Variants in RBM33 observed in about 807,000 individuals in gnomAD.
The protein encoded by RBM33 is RNA-binding protein 33.
A neutral mutation model predicts 132.6 loss-of-function variants in RBM33; 28 were observed. The observed-to-expected ratio is 0.21, with a 90% CI of 0.16 to 0.29. RBM33 has a LOEUF of 0.29. RBM33 is among the 10% of genes least tolerant of loss of function. RBM33 has a pLI of 1.00. For synonymous variants in RBM33, 634 were observed against 593.0 expected, an observed-to-expected ratio of 1.07 and a Z score of -1.01; for missense variants, 1,291 against 1,518.5, an observed-to-expected ratio of 0.85 and a Z score of 2.49.
At position 155,742,044 on chromosome 7, in the gene RBM33, G is replaced by A. The variant is rs75145238; in HGVS notation, c.2275G>A (p.Val759Met). 6.2e-7 allele frequency: 1 copy of A among 1,614,018 alleles called. No individual in the cohort carries two copies. The highest frequency in any genetic ancestry group is 2.2e-5 in the East Asian group (1 of 44,884). The change falls in exon 13 of 18, where the codon GTG (valine) becomes ATG (methionine). Residue 759 changes from valine (V) to methionine (M), a missense_variant. Val to Met is a conservative substitution (Grantham distance 21, BLOSUM62 1). Around this residue, in one of 7 missense-constraint regions of RBM33, gnomAD observed 841 missense variants for 912.0 expected, o/e 0.92. Transcript: ENST00000401878. ...CAGAAGCTCACAGGGAAAGACGGAA[G>A]TGAAAGTCAAGCCAGCTAGCCCTGT... ...GSRSSQGKTE[V>M]KVKPASPVAQ...
chr7:155,667,348 A>G (rs1490530914), intron 2 of RBM33, among the ~76,000 whole-genome samples: 1 of 152,018 alleles, frequency 6.6e-6, no homozygotes, highest in African/African-American at 2.4e-5. Context: ...CCTGGGCTCA[A>G]GTGATGCTCC....
intron 15 of RBM33, 87 bp from the exon 16 acceptor site, chr7:155,766,380 T>C: frequency 7.1e-7 from 1 of 1,410,592 alleles, no homozygotes. Flanking sequence ...TAATGGATTC[T>C]AAGTTATTTG....
At chr7:155,770,242 G>A (rs950059679) in intron 16 of RBM33, among the ~76,000 whole-genome samples, 1 of 152,238 alleles carries the variant, frequency 6.6e-6, no homozygotes, top group African/African-American at 2.4e-5. Context: ...CTCGGTGCGG[G>A]CTGGAGTTGC....
intron 13 of RBM33, among the ~76,000 whole-genome samples, chr7:155,742,307 A>ATTTT (rs201689933): frequency 6.7e-6 from 1 of 150,232 alleles, no homozygotes; most frequent in South Asian, 2.1e-4. Flanking sequence ...ATTAGAGTTT[A>ATTTT]TATATTTGTA....
chr7:155,699,904 C>A (rs1240589144), intron 5 of RBM33, among the ~76,000 whole-genome samples: 1 of 152,072 alleles, frequency 6.6e-6, no homozygotes, highest in Non-Finnish European at 1.5e-5. Flanking sequence ...CAAATATATT[C>A]TCCTTACATT....
At position 155,741,800 on chromosome 7, in the gene RBM33, T is replaced by G. The variant is rs1195381068; in HGVS notation, c.2050-19T>G. The G allele has an allele frequency of 6.3e-7, 1 of 1,590,856 alleles. No individual in the cohort carries two copies. The highest frequency in any genetic ancestry group is 8.6e-7 in the Non-Finnish European group (1 of 1,163,484). ...CAAGTTTCCACTTACAATTAGAATC[T>G]CTTTCTTTTTGTGAAAAGAATACAA... On this transcript the variant is annotated intron_variant, in intron 12 of 17. Coordinates refer to ENST00000401878, the MANE Select transcript of RBM33 (RefSeq NM_053043.3).
chr7:155,726,465 G>A lies in RBM33; in HGVS notation c.1260+8022G>A, dbSNP rs1013995765. Among the ~76,000 whole-genome samples the A allele has an allele frequency of 2.0e-5, 3 of 151,704 alleles. No homozygotes were observed. In the East Asian group the frequency reaches 5.8e-4, roughly 29 times the overall value. Reference sequence around the variant, plus strand: ...ATGCAGAAAAGTGAAAGTATAATTTGTATGAGAATTATATGAGAGAATAAT... The same window carrying A: ...ATGCAGAAAAGTGAAAGTATAATTTATATGAGAATTATATGAGAGAATAAT... On this transcript the variant is annotated intron_variant, in intron 9 of 17. Coordinates refer to ENST00000401878, the MANE Select transcript of RBM33 (RefSeq NM_053043.3).
chr7:155,740,459 G>C (rs1001196688), intron 12 of RBM33, among the ~76,000 whole-genome samples: 5 of 152,226 alleles, frequency 3.3e-5, no homozygotes, highest in Admixed American at 1.3e-4. Context: ...TACGTTGACT[G>C]TTCTGTTGCC....
Position 155,690,851 on chromosome 7 carries a change from G to A in RBM33, c.568-9922G>A, listed in dbSNP as rs185547059. Among the ~76,000 whole-genome samples, 4 of 152,238 alleles carry A rather than the reference G, an allele frequency of 2.6e-5. No individual in the cohort carries two copies. The East Asian group carries it at 7.7e-4, about 29-fold the overall frequency. On this transcript the variant is annotated intron_variant, in intron 5 of 17. Coordinates refer to ENST00000401878, the MANE Select transcript of RBM33 (RefSeq NM_053043.3). ...CTGAGATATCCGCTGTTAGTCTGAT[G>A]GACTTCCCTTTGTGGGTAACCCGAC...
chr7:155,667,405 G>T (rs953525632), intron 2 of RBM33, among the ~76,000 whole-genome samples: 1 of 152,032 alleles, frequency 6.6e-6, no homozygotes, highest in African/African-American at 2.4e-5. Context: ...CTAGTGTGCC[G>T]TGCCCAGTTG....
At chr7:155,735,076 C>T (rs1490662277) in intron 9 of RBM33, among the ~76,000 whole-genome samples, 1 of 152,120 alleles carries the variant, frequency 6.6e-6, no homozygotes, top group Admixed American at 6.5e-5. Context: ...CATTGTAAGT[C>T]AGGAACTGTC....
chr7:155,756,869 A>G (rs1036057340), intron 14 of RBM33, among the ~76,000 whole-genome samples: 1 of 151,940 alleles, frequency 6.6e-6, no homozygotes, highest in Non-Finnish European at 1.5e-5. Context: ...CAAAACCCAT[A>G]TTTTCCTTTC....
Position 155,707,031 on chromosome 7 carries a change from A to G in RBM33, c.911A>G (p.His304Arg), listed in dbSNP as rs1800136641. ...ESTERGRMKD[H>R]RPALLPTQPP... ...ACCGAGAGGGGCAGGATGAAGGACCACAGACCTGCGCTGCTTCCTACACAG... is the reference window on the plus strand; with the variant it reads ...ACCGAGAGGGGCAGGATGAAGGACCGCAGACCTGCGCTGCTTCCTACACAG... The change falls in exon 7 of 18, where the codon CAC becomes CGC. Residue 304 changes from histidine to arginine, a missense_variant. Physicochemically the swap from His to Arg is conservative, Grantham distance 29. Coordinates refer to ENST00000401878, the MANE Select transcript of RBM33 (RefSeq NM_053043.3). 2 of 1,570,054 alleles carry G rather than the reference A, an allele frequency of 1.3e-6. No homozygotes were observed. Among genetic ancestry groups the G allele is most frequent in the African/African-American group, 1.4e-5 (1 of 73,904 alleles).
intron 14 of RBM33, among the ~76,000 whole-genome samples, chr7:155,747,697 C>T (rs954501893): frequency 3.9e-5 from 6 of 152,188 alleles, no homozygotes; most frequent in Non-Finnish European, 8.8e-5. Flanking sequence ...TGGAACAGCT[C>T]TTTATCTTTT....
At chr7:155,702,282 TAGC>T in intron 6 of RBM33, among the ~76,000 whole-genome samples, 1 of 152,346 alleles carries the variant, frequency 6.6e-6, no homozygotes, top group South Asian at 2.1e-4. Context: ...ATGCACAAGA[TAGC>T]AGTAGTCAAC....
chr7:155,662,833 C>T (rs543666979), intron 1 of RBM33, among the ~76,000 whole-genome samples: 2 of 152,206 alleles, frequency 1.3e-5, no homozygotes, highest in South Asian at 2.1e-4. Context: ...AAAATGCGGA[C>T]GAGGTCCTTG....
At position 155,761,049 on chromosome 7, in the gene RBM33, G is replaced by A. The variant is rs138717469; in HGVS notation, c.2980-2763G>A. 2.5e-4 allele frequency among the ~76,000 whole-genome samples: 38 copies of A among 152,322 alleles called. No homozygotes were observed. In the East Asian group the frequency reaches 7.3e-3, roughly 29 times the overall value. On this transcript the variant is annotated intron_variant, in intron 14 of 17. Transcript: ENST00000401878. ...GAGAACCCATCTGGCTCAGTCACCC[G>A]CAGCCCTGGCTGGACGATAGCAGAT...
chr7:155,676,209 G>C (rs1563139342), intron 3 of RBM33, among the ~76,000 whole-genome samples: 1 of 152,164 alleles, frequency 6.6e-6, no homozygotes. Context: ...TCAGGGACAA[G>C]TTCATTCGTG....
At chr7:155,659,418 G>A (rs1049252694) in intron 1 of RBM33, among the ~76,000 whole-genome samples, 5 of 152,000 alleles carry the variant, frequency 3.3e-5, no homozygotes, top group African/African-American at 1.2e-4. Flanking sequence ...ATTATTAGAA[G>A]GAAACAACTT....
Sources: gnomAD v4.1 joint callset for allele counts (sites outside exome capture counted in the v4.1 genomes callset) on GRCh38, gnomAD v4.1.1 for gene constraint, gnomAD v4.1.1 regional missense constraint, MANE v1.5 for transcripts, NCBI Gene and HGNC (gene_info 2026-07-23, HGNC 2026-07-21) for gene names.